Variants in GPR139 observed in about 807,000 individuals in gnomAD.
GPR139 encodes G protein-coupled receptor 139.
GPR139 carries 12 observed loss-of-function variants against 25.8 expected under a neutral mutation model. The observed-to-expected ratio is 0.47, with a 90% CI of 0.30 to 0.75. The LOEUF (loss-of-function observed/expected upper bound fraction) is 0.75. Among genes scored for constraint, GPR139 ranks in the 30% least tolerant of loss-of-function variants. The pLI, the probability that GPR139 is intolerant of heterozygous loss-of-function variation, is 0.07. For synonymous variants in GPR139, 184 were observed against 179.9 expected, an observed-to-expected ratio of 1.02 and a Z score of -0.18; for missense variants, 380 against 450.2, an observed-to-expected ratio of 0.84 and a Z score of 1.41.
intron 1 of GPR139, among the ~76,000 whole-genome samples, chr16:20,051,467 G>A (rs1024069615): frequency 2.0e-5 from 3 of 152,166 alleles, no homozygotes; most frequent in African/African-American, 7.2e-5. Flanking sequence ...GCAGATGCAG[G>A]GTTGAAGTGG....
intron 1 of GPR139, among the ~76,000 whole-genome samples, chr16:20,066,071 C>T (rs368103087): frequency 1.3e-5 from 2 of 152,086 alleles, no homozygotes; most frequent in South Asian, 2.1e-4. Context: ...TCAGAAAAAC[C>T]GCAGAGAAGC....
In GPR139 at chr16:20,064,470, GCT is replaced by G. The variant is rs1402526806; in HGVS notation, c.127+9018_127+9019del. ...GGATCACTTGAACCTGGGAGGTGGA[GCT>G]TTCAGTGAGCTGAAATTGGACCACT... On this transcript the variant is annotated intron_variant, in intron 1 of 1. Transcript: ENST00000570682. 2.6e-5 allele frequency among the ~76,000 whole-genome samples: 4 copies of G among 152,180 alleles called. No homozygotes were observed. The East Asian group carries it at 7.7e-4, about 29-fold the overall frequency.
intron 1 of GPR139, among the ~76,000 whole-genome samples, chr16:20,072,335 G>C (rs2057462603): frequency 6.6e-6 from 1 of 152,128 alleles, no homozygotes; most frequent in African/African-American, 2.4e-5. Context: ...TGAATGTTTG[G>C]GAAAGGAAAT....
At chr16:20,063,021 A>T (rs994812209) in intron 1 of GPR139, among the ~76,000 whole-genome samples, 1 of 152,244 alleles carries the variant, frequency 6.6e-6, no homozygotes, top group Non-Finnish European at 1.5e-5. Context: ...TGTTCCAAGT[A>T]TACAGTTATT....
In GPR139 at chr16:20,030,651, C is replaced by T. The variant is rs2057284605; in HGVS notation, c.*1084G>A. Among the ~76,000 whole-genome samples the T allele has an allele frequency of 6.6e-6, 1 of 152,248 alleles. No homozygotes were observed. Among genetic ancestry groups the T allele is most frequent in the Admixed American group, 6.5e-5 (1 of 15,286 alleles). ...GCAGACGAGGCGTCAGCATGGGCAC[C>T]TTTTGTGTCTGCGTTTGTGGCGAAA... On this transcript the variant is annotated 3_prime_UTR_variant, in exon 2 of 2. Coordinates refer to ENST00000570682, the MANE Select transcript of GPR139 (RefSeq NM_001002911.4).
In GPR139 at chr16:20,032,591, A is replaced by T; in HGVS notation, c.206T>A (p.Leu69His). 2 of 1,614,112 alleles carry T rather than the reference A, an allele frequency of 1.2e-6. No individual in the cohort carries two copies. Among genetic ancestry groups the T allele is most frequent in the Non-Finnish European group, 1.7e-6 (2 of 1,179,956 alleles). ...GAGGACCAAGATGTCGGCAGCAGCG[A>T]GTGCCAAGAGATAGTTGTAGGAGGA... ...QKSSYNYLLA[L>H]AAADILVLFF... The change falls in exon 2 of 2, where the codon CTC becomes CAC. Residue 69 changes from leucine to histidine, a missense_variant. By Grantham distance (99) the Leu-to-His change is moderately conservative. Transcript: ENST00000570682.
At chr16:20,037,377 G>A (rs769629923) in intron 1 of GPR139, among the ~76,000 whole-genome samples, 11 of 151,700 alleles carry the variant, frequency 7.3e-5, no homozygotes, top group East Asian at 1.9e-4. Context: ...ACTTGAACTC[G>A]GGAGGTGGAA....
rs916957863 is a variant in GPR139 at position 20,038,337 on chromosome 16, G to A, written c.128-5668C>T. ...TCCTGGATAATATATATATGTGTGT[G>A]TGTGTGTGTGTGTGTGTGTGTGTGT... On this transcript the variant is annotated intron_variant, in intron 1 of 1. Coordinates refer to ENST00000570682, the MANE Select transcript of GPR139 (RefSeq NM_001002911.4). Among the ~76,000 whole-genome samples the A allele has an allele frequency of 6.8e-4, 59 of 87,312 alleles. 1 individual carries two copies. Among genetic ancestry groups the A allele is most frequent in the Admixed American group, 4.4e-3 (35 of 8,030 alleles). 57.3% of individuals were successfully genotyped at this position (87,312 alleles called of 152,430 possible). A position where few individuals can be genotyped will look rare whatever the true frequency, so the allele number is the denominator to read the frequency against.
At chr16:20,066,418 ACT>A (rs1300372555) in intron 1 of GPR139, among the ~76,000 whole-genome samples, 5 of 152,108 alleles carry the variant, frequency 3.3e-5, no homozygotes, top group South Asian at 4.1e-4. Flanking sequence ...ATCACAGGCA[ACT>A]CTTTTAGGGG....
chr16:20,032,101 G>A lies in GPR139; in HGVS notation c.696C>T (p.Thr232=). 6.2e-7 allele frequency: 1 copy of A among 1,614,192 alleles called. No individual in the cohort carries two copies. Among genetic ancestry groups the A allele is most frequent in the South Asian group, 1.1e-5 (1 of 91,078 alleles). The change falls in exon 2 of 2, where the codon ACC becomes ACT. Residue 232 remains threonine, a synonymous_variant. Coordinates refer to ENST00000570682, the MANE Select transcript of GPR139 (RefSeq NM_001002911.4). ...AAAGTGTGGCAAAGATGGAGGTAATGGTGAACAAGATGGCGGTGGTCTTCC... is the reference window on the plus strand; with the variant it reads ...AAAGTGTGGCAAAGATGGAGGTAATAGTGAACAAGATGGCGGTGGTCTTCC... ...STGKTTAILF[T]ITSIFATLWA... is the part of the protein sequence containing the mutation.
chr16:20,058,366 A>G (rs924290982), intron 1 of GPR139, among the ~76,000 whole-genome samples: 3 of 152,060 alleles, frequency 2.0e-5, no homozygotes, highest in Admixed American at 2.0e-4. Context: ...TGTGTATTGT[A>G]TACATAGTCA....
intron 1 of GPR139, among the ~76,000 whole-genome samples, chr16:20,041,750 G>A (rs1471558349): frequency 1.3e-5 from 2 of 152,146 alleles, no homozygotes; most frequent in East Asian, 3.9e-4. Flanking sequence ...GTGGCCAGTG[G>A]CCATCCTTGT....
intron 1 of GPR139, among the ~76,000 whole-genome samples, chr16:20,058,423 C>A (rs1466949708): frequency 1.3e-5 from 2 of 151,936 alleles, no homozygotes; most frequent in African/African-American, 4.8e-5. Context: ...CCTACAGGGG[C>A]AAGGCAGGGA....
chr16:20,071,073 G>A lies in GPR139; in HGVS notation c.127+2417C>T, dbSNP rs191099321. On this transcript the variant is annotated intron_variant, in intron 1 of 1. Coordinates refer to ENST00000570682, the MANE Select transcript of GPR139 (RefSeq NM_001002911.4). ...ATAAATGAATGTCAGGCACCAAGGC[G>A]AGCATTTCGCTAGTGCCATCATCTG... 15 of 866,140 alleles carry A rather than the reference G, an allele frequency of 1.7e-5. No homozygotes were observed. The East Asian group carries it at 1.5e-3, about 84-fold the overall frequency. 53.7% of individuals were successfully genotyped at this position (866,140 alleles called of 1,614,324 possible).
rs1050922877 is a variant in GPR139 at position 20,030,388 on chromosome 16, A to AG, written c.*1346_*1347insC. On this transcript the variant is annotated 3_prime_UTR_variant, in exon 2 of 2. Transcript: ENST00000570682. ...GAATCTGAGGGAGAAGTTAAAAAAA[A>AG]AAGAAGAAAAAAGAAACACTAAATA... 9.9e-5 allele frequency among the ~76,000 whole-genome samples: 15 copies of AG among 151,252 alleles called. No homozygotes were observed. The East Asian group carries it at 2.9e-3, about 29-fold the overall frequency.
intron 1 of GPR139, among the ~76,000 whole-genome samples, chr16:20,065,398 C>A (rs1222735082): frequency 2.0e-5 from 3 of 152,122 alleles, no homozygotes; most frequent in Admixed American, 2.0e-4. Context: ...TTCTCTCGAC[C>A]TGGTCTGAAT....
At chr16:20,060,288 T>C (rs12922185) in intron 1 of GPR139, among the ~76,000 whole-genome samples, 29,248 of 151,800 alleles carry the variant, frequency 0.19, 3,354 homozygotes, top group East Asian at 0.28. Context: ...TGTGCATCTG[T>C]GTGTCTATAT....
rs548605296 is a variant in GPR139, at chr16:20,067,445, A to G, written c.127+6045T>C. Among the ~76,000 whole-genome samples, 76 of 152,328 alleles carry G rather than the reference A, an allele frequency of 5.0e-4. 1 individual carries two copies. Among genetic ancestry groups the G allele is most frequent in the African/African-American group, 1.7e-3 (72 of 41,572 alleles). On this transcript the variant is annotated intron_variant, in intron 1 of 1. Coordinates refer to ENST00000570682, the MANE Select transcript of GPR139 (RefSeq NM_001002911.4). ...GCTATAACAGGAGTCCTATGGTCAA[A>G]TGTGCCTAAGGACGAGTCATGCAGT...
intron 1 of GPR139, among the ~76,000 whole-genome samples, chr16:20,036,361 A>G (rs1168030126): frequency 6.6e-6 from 1 of 152,204 alleles, no homozygotes; most frequent in Non-Finnish European, 1.5e-5. Context: ...AAGTTTATTC[A>G]GTATTTCTGT....
Sources: allele counts gnomAD v4.1 joint callset (sites outside exome capture counted in the v4.1 genomes callset), GRCh38; gene constraint gnomAD v4.1.1; transcripts MANE v1.5; gene names NCBI Gene and HGNC (gene_info 2026-07-23, HGNC 2026-07-21).